Variants in TMEM200A observed in about 807,000 individuals in gnomAD.
TMEM200A encodes the protein two transmembrane C.
In TMEM200A, 12 loss-of-function variants were observed where a neutral mutation model predicts 24.3. The observed-to-expected ratio is 0.49, with a 90% confidence interval of 0.32 to 0.80. The LOEUF (loss-of-function observed/expected upper bound fraction) is 0.80. Among genes scored for constraint, TMEM200A ranks in the 30% least tolerant of loss-of-function variants. TMEM200A has a pLI of 0.04. For missense variants in TMEM200A, 545 were observed against 614.4 expected (o/e 0.89, Z 1.19); for synonymous variants, 224 against 224.4 (o/e 1.00, Z 0.02).
At chr6:130,421,228 G>A (rs1210034051) in intron 2 of TMEM200A, 3 of 152,072 alleles carry the variant, frequency 2.0e-5, no homozygotes, top group South Asian at 2.1e-4. Flanking sequence ...TTGCATTCCC[G>A]ACAAGCTCAC....
chr6:130,398,245 T>C (rs1320671308), intron 2 of TMEM200A, among the ~76,000 whole-genome samples: 1 of 151,642 alleles, frequency 6.6e-6, no homozygotes, highest in Non-Finnish European at 1.5e-5. Flanking sequence ...TCCTGTGTAG[T>C]TCTCTCAGGT....
rs1330706953 is a variant in TMEM200A, at chr6:130,376,445, G to T, written c.-80-8728G>T. Among the ~76,000 whole-genome samples the T allele has an allele frequency of 3.3e-5, 5 of 151,974 alleles. No homozygotes were observed. The South Asian group carries it at 8.3e-4, about 25-fold the overall frequency. On this transcript the variant is annotated intron_variant, in intron 1 of 2. Coordinates refer to ENST00000296978, the MANE Select transcript of TMEM200A (RefSeq NM_001258277.2). Reference sequence around the variant, plus strand: ...CTACAGGCACACATCACCATGCCTGGCTAATTTTTGTATTTTTAGTAGAGA... The same window carrying T: ...CTACAGGCACACATCACCATGCCTGTCTAATTTTTGTATTTTTAGTAGAGA...
At chr6:130,434,594 T>G (rs2115221048) in intron 2 of TMEM200A, among the ~76,000 whole-genome samples, 1 of 152,258 alleles carries the variant, frequency 6.6e-6, no homozygotes, top group South Asian at 2.1e-4. Flanking sequence ...CAGAATGTGC[T>G]TAAGCTTGTA....
intron 2 of TMEM200A, among the ~76,000 whole-genome samples, chr6:130,420,236 A>G (rs1263060343): frequency 6.6e-6 from 1 of 152,192 alleles, no homozygotes; most frequent in African/African-American, 2.4e-5. Flanking sequence ...AATAATACTA[A>G]TACCTACTTG....
At chr6:130,413,476 C>A (rs535271845) in intron 2 of TMEM200A, among the ~76,000 whole-genome samples, 5 of 152,134 alleles carry the variant, frequency 3.3e-5, no homozygotes, top group Non-Finnish European at 7.3e-5. Flanking sequence ...CTTCTTCCTA[C>A]GCTCAGTCTT....
intron 2 of TMEM200A, among the ~76,000 whole-genome samples, chr6:130,425,093 A>G (rs117920906): frequency 0.018 from 2,781 of 152,134 alleles, 23 homozygotes; most frequent in Non-Finnish European, 0.027. Flanking sequence ...ATACTTGCTC[A>G]TCTCCCTGCT....
At chr6:130,399,342 T>C (rs1779028654) in intron 2 of TMEM200A, among the ~76,000 whole-genome samples, 1 of 152,094 alleles carries the variant, frequency 6.6e-6, no homozygotes, top group Admixed American at 6.6e-5. Context: ...TCAACCACTA[T>C]GTCTTTGAAT....
At chr6:130,430,133 A>G (rs1779841559) in intron 2 of TMEM200A, among the ~76,000 whole-genome samples, 1 of 152,168 alleles carries the variant, frequency 6.6e-6, no homozygotes. Flanking sequence ...ACAGTTCTGA[A>G]AGCTGGGAAG....
chr6:130,414,506 A>G (rs1231903195), intron 2 of TMEM200A, among the ~76,000 whole-genome samples: 6 of 152,170 alleles, frequency 3.9e-5, no homozygotes, highest in Non-Finnish European at 8.8e-5. Flanking sequence ...CCCTGGAAGA[A>G]GAGGGAACCT....
Position 130,440,654 on chromosome 6 carries a change from A to T in TMEM200A, c.232A>T (p.Met78Leu). ...GCTCATCTCCATTATAGGAATTGCT[A>T]TGGCCGTTCTTGGATATTGGCCCCA... ...GVLISIIGIA[M>L]AVLGYWPQKE... The change falls in exon 3 of 3, where the codon ATG becomes TTG. Residue 78 changes from methionine to leucine, a missense_variant. Transcript: ENST00000296978. 6.2e-7 allele frequency: 1 copy of T among 1,613,828 alleles called. No individual in the cohort carries two copies. The highest frequency in any genetic ancestry group is 1.1e-5 in the South Asian group (1 of 91,082).
At chr6:130,365,676 G>A (rs1778117930), upstream of TMEM200A, 2 of 985,390 alleles carry the variant, frequency 2.0e-6, no homozygotes, top group African/African-American at 1.7e-5. Flanking sequence ...GGGTGTGTCC[G>A]TTTCCGCACG....
At chr6:130,422,361 G>A (rs576933103) in intron 2 of TMEM200A, among the ~76,000 whole-genome samples, 15 of 152,072 alleles carry the variant, frequency 9.9e-5, no homozygotes, top group African/African-American at 2.4e-4. Context: ...TTCCGCCTCC[G>A]GGGTTCAAGT....
intron 2 of TMEM200A, chr6:130,439,360 G>A (rs1041574721): frequency 1.3e-5 from 2 of 152,214 alleles, no homozygotes; most frequent in African/African-American, 4.8e-5. Context: ...TTTAGAACCT[G>A]ATTGGAAGAG....
At chr6:130,398,114 G>A (rs1778995155) in intron 2 of TMEM200A, among the ~76,000 whole-genome samples, 2 of 151,982 alleles carry the variant, frequency 1.3e-5, no homozygotes, top group South Asian at 4.2e-4. Context: ...TCCAACCCGT[G>A]TTTCCCTCCC....
rs1308051758 is a variant in TMEM200A at position 130,366,875 on chromosome 6, T to C, written c.-81+351T>C. On this transcript the variant is annotated intron_variant, in intron 1 of 2. Coordinates refer to ENST00000296978, the MANE Select transcript of TMEM200A (RefSeq NM_001258277.2). The surrounding 1 kb of genome is among the most constrained non-coding windows in gnomAD (Gnocchi z 4.4). ...CGTTAATTCATGATTGAGCAAAGTA[T>C]GGTCAGGGTTTCGTAAAGCAGTATC... Among the ~76,000 whole-genome samples the C allele has an allele frequency of 6.6e-6, 1 of 152,172 alleles. No homozygotes were observed. Among genetic ancestry groups the C allele is most frequent in the African/African-American group, 2.4e-5 (1 of 41,446 alleles).
chr6:130,375,500 T>G (rs1327080491), intron 1 of TMEM200A, among the ~76,000 whole-genome samples: 3 of 152,150 alleles, frequency 2.0e-5, no homozygotes, highest in South Asian at 2.1e-4. Context: ...ACATTGTAAA[T>G]GGAGGACACA....
Position 130,441,555 on chromosome 6 carries a change from C to T in TMEM200A, c.1133C>T (p.Ala378Val), listed in dbSNP as rs189880050. ...GGACAGCTCTTGTCTCCTGGGGCTG[C>T]CAGAAGACAGTTTGGGTCCAATACA... ...GAGQLLSPGA[A>V]RRQFGSNTSL... The change falls in exon 3 of 3, where the codon GCC (alanine) becomes GTC (valine). Residue 378 changes from alanine (A) to valine (V), a missense_variant. By Grantham distance (64) the Ala-to-Val change is moderately conservative. Coordinates refer to ENST00000296978, the MANE Select transcript of TMEM200A (RefSeq NM_001258277.2). 34 of 1,613,976 alleles carry T rather than the reference C, an allele frequency of 2.1e-5. No homozygotes were observed. In the Admixed American group the frequency reaches 5.7e-4, roughly 27 times the overall value.
rs951708028 is a variant in TMEM200A at position 130,367,192 on chromosome 6, C to G, written c.-81+668C>G. ...GTTCAGTACCGGGCATTGGTAATGTCGGAGAGAAAGGCAGATGCAGCACAT... is the reference window on the plus strand; with the variant it reads ...GTTCAGTACCGGGCATTGGTAATGTGGGAGAGAAAGGCAGATGCAGCACAT... On this transcript the variant is annotated intron_variant, in intron 1 of 2. Coordinates refer to ENST00000296978, the MANE Select transcript of TMEM200A (RefSeq NM_001258277.2). 4.6e-5 allele frequency among the ~76,000 whole-genome samples: 7 copies of G among 152,154 alleles called. No homozygotes were observed. In the East Asian group the frequency reaches 1.4e-3, roughly 29 times the overall value.
intron 2 of TMEM200A, among the ~76,000 whole-genome samples, chr6:130,404,216 T>A (rs1043529268): frequency 1.3e-5 from 2 of 152,224 alleles, no homozygotes; most frequent in Admixed American, 6.5e-5. Flanking sequence ...CTGAGTCCAA[T>A]GGTATTTCTG....
Sources: allele counts gnomAD v4.1 joint callset (sites outside exome capture counted in the v4.1 genomes callset), GRCh38; gene constraint gnomAD v4.1.1; non-coding constraint Gnocchi (gnomAD v3.1); transcripts MANE v1.5; gene names NCBI Gene and HGNC (gene_info 2026-07-23, HGNC 2026-07-21).